CCSER1: variants seen among roughly 807,000 people sequenced by gnomAD.
CCSER1 encodes the protein serine-rich coiled-coil domain-containing protein 1.
In CCSER1, 41 loss-of-function variants were observed where a neutral mutation model predicts 82.0. The observed-to-expected ratio is 0.50, with a 90% CI of 0.39 to 0.65. The LOEUF is 0.65. Among genes scored for constraint, CCSER1 ranks in the 30% least tolerant of loss-of-function variants. CCSER1 has a pLI of 0.00. For missense variants in CCSER1, 1,119 were observed against 1,064.2 expected, an observed-to-expected ratio of 1.05 and a Z score of -0.72; for synonymous variants, 414 against 383.9, an observed-to-expected ratio of 1.08 and a Z score of -0.92.
intron 9 of CCSER1, among the ~76,000 whole-genome samples, chr4:91,082,407 A>C (rs1237691303): frequency 1.3e-5 from 2 of 152,220 alleles, no homozygotes; most frequent in African/African-American, 4.8e-5. Context: ...ACAAAAATTA[A>C]TTCAAGATGG....
chr4:90,612,922 T>TA (rs1028167750), intron 5 of CCSER1, among the ~76,000 whole-genome samples: 15 of 151,968 alleles, frequency 9.9e-5, no homozygotes, highest in African/African-American at 3.6e-4. Context: ...ACAGGGAAGT[T>TA]AAAAAAAGTC....
chr4:90,532,701 T>G (rs772206568), intron 5 of CCSER1, among the ~76,000 whole-genome samples: 101 of 152,206 alleles, frequency 6.6e-4, no homozygotes, highest in Non-Finnish European at 1.0e-3. Flanking sequence ...TAATTTTGTA[T>G]GGACTTCTAC....
intron 5 of CCSER1, among the ~76,000 whole-genome samples, chr4:90,485,518 ACC>A (rs766257489): frequency 0.029 from 2,728 of 93,772 alleles, 67 homozygotes; most frequent in Admixed American, 0.098. Context: ...TCTTGGCTCC[ACC>A]CCCCCCCCCC....
chr4:90,903,488 C>A (rs987013703), intron 8 of CCSER1, among the ~76,000 whole-genome samples: 9 of 152,030 alleles, frequency 5.9e-5, no homozygotes, highest in African/African-American at 2.2e-4. Context: ...TGAAAACAGA[C>A]TAATATACAT....
chr4:91,574,866 A>C (rs1763367732), intron 10 of CCSER1, among the ~76,000 whole-genome samples: 1 of 152,062 alleles, frequency 6.6e-6, no homozygotes, highest in Non-Finnish European at 1.5e-5. Context: ...ACAAACCTGC[A>C]CATGTACCCC....
chr4:90,219,946 C>T (rs1741813924), intron 1 of CCSER1, among the ~76,000 whole-genome samples: 1 of 152,068 alleles, frequency 6.6e-6, no homozygotes, highest in African/African-American at 2.4e-5. Context: ...GCTAATATTT[C>T]TCTGTCTTAA....
chr4:90,700,939 T>C (rs1033590932), intron 6 of CCSER1, among the ~76,000 whole-genome samples: 4 of 152,226 alleles, frequency 2.6e-5, no homozygotes, highest in African/African-American at 9.6e-5. Flanking sequence ...AGGTTGCCTG[T>C]TCACTCTGAT....
chr4:91,495,666 A>C (rs1758762943), intron 10 of CCSER1, among the ~76,000 whole-genome samples: 2 of 151,530 alleles, frequency 1.3e-5, no homozygotes, highest in African/African-American at 4.8e-5. Context: ...TTACAAGCAG[A>C]AATATTTAGA....
At chr4:90,191,573 T>G (rs907268166) in intron 1 of CCSER1, among the ~76,000 whole-genome samples, 2 of 152,000 alleles carry the variant, frequency 1.3e-5, no homozygotes, top group African/African-American at 4.8e-5. Context: ...GAAACTAACC[T>G]TTAACTCACT....
In CCSER1 at chr4:90,186,270, C is replaced by T. The variant is rs573845834; in HGVS notation, c.-42+58439C>T. Among the ~76,000 whole-genome samples, 35 of 152,108 alleles carry T rather than the reference C, an allele frequency of 2.3e-4. 1 individual carries two copies. Among genetic ancestry groups the T allele is most frequent in the Admixed American group, 6.6e-4 (10 of 15,228 alleles). On this transcript the variant is annotated intron_variant, in intron 1 of 10. Coordinates refer to ENST00000509176, the MANE Select transcript of CCSER1 (RefSeq NM_001145065.2). ...AAATAAAAGTGCTTACTGCCACCCT[C>T]AAGAGATATGTGTCAGGTTCTTATA...
intron 5 of CCSER1, among the ~76,000 whole-genome samples, chr4:90,541,662 C>T (rs556501017): frequency 5.9e-5 from 9 of 151,970 alleles, no homozygotes; most frequent in Non-Finnish European, 1.2e-4. Context: ...CTCTCTCACT[C>T]TCTCTCAATA....
chr4:91,303,054 A>C (rs1434156996), intron 10 of CCSER1, among the ~76,000 whole-genome samples: 2 of 152,036 alleles, frequency 1.3e-5, no homozygotes, highest in East Asian at 3.9e-4. Context: ...AAATAGCCAT[A>C]AATTTATCAA....
At chr4:91,510,428 C>T (rs755294612) in intron 10 of CCSER1, among the ~76,000 whole-genome samples, 18 of 152,042 alleles carry the variant, frequency 1.2e-4, no homozygotes, top group Non-Finnish European at 1.8e-4. Context: ...CCACGGTGGC[C>T]GAACTAACTT....
At chr4:90,139,143 C>G (rs1489240322) in intron 1 of CCSER1, among the ~76,000 whole-genome samples, 1 of 152,192 alleles carries the variant, frequency 6.6e-6, no homozygotes, top group Non-Finnish European at 1.5e-5. Context: ...TGCCTCCTCA[C>G]ATCATTGCCC....
chr4:90,757,788 G>A (rs979360861), intron 7 of CCSER1, among the ~76,000 whole-genome samples: 1 of 142,976 alleles, frequency 7.0e-6, no homozygotes, highest in Admixed American at 7.1e-5. Context: ...ACATCAAAGA[G>A]ACTGTGGAGT....
At chr4:91,529,176 G>A (rs1760908585) in intron 10 of CCSER1, among the ~76,000 whole-genome samples, 1 of 152,022 alleles carries the variant, frequency 6.6e-6, no homozygotes, top group Admixed American at 6.6e-5. Flanking sequence ...GATGTAAGAA[G>A]GAAAATTCTA....
intron 4 of CCSER1, among the ~76,000 whole-genome samples, chr4:90,443,849 G>A (rs1760249279): frequency 6.6e-6 from 1 of 151,766 alleles, no homozygotes; most frequent in South Asian, 2.1e-4. Context: ...GAGGTTATTG[G>A]TACTTTATAA....
chr4:91,113,347 A>T (rs1303761295), intron 10 of CCSER1, among the ~76,000 whole-genome samples: 1 of 152,244 alleles, frequency 6.6e-6, no homozygotes, highest in Non-Finnish European at 1.5e-5. Flanking sequence ...GCAATTTCTC[A>T]ATCAAGAACA....
intron 5 of CCSER1, among the ~76,000 whole-genome samples, chr4:90,535,983 A>G (rs1197784750): frequency 2.0e-5 from 3 of 151,634 alleles, no homozygotes; most frequent in Non-Finnish European, 4.4e-5. Flanking sequence ...GTAACATAAC[A>G]TACAAACTAG....
Sources: allele counts gnomAD v4.1 joint callset (sites outside exome capture counted in the v4.1 genomes callset), GRCh38; gene constraint gnomAD v4.1.1; transcripts MANE v1.5; gene names NCBI Gene and HGNC (gene_info 2026-07-23, HGNC 2026-07-21).